The following NFKB2 variants were observed in gnomAD, a reference collection of about 807,000 sequenced individuals.
NFKB2 encodes the protein nuclear factor NF-kappa-B p100 subunit.
In NFKB2, 21 loss-of-function variants were observed where a neutral mutation model predicts 109.3. The ratio of observed to expected loss-of-function variants is 0.19; its 90% CI spans 0.14 to 0.28. NFKB2 has a LOEUF of 0.28. Among genes scored for constraint, NFKB2 ranks in the 10% least tolerant of loss-of-function variants. The probability of loss-of-function intolerance (pLI) is 1.00; values close to 1 mark genes in which losing one functional copy is unlikely to be tolerated. For synonymous variants in NFKB2, 478 were observed against 489.9 expected, an observed-to-expected ratio of 0.98 and a Z score of 0.32; for missense variants, 806 against 1,185.3, an observed-to-expected ratio of 0.68 and a Z score of 4.70.
rs762807587 is a variant in NFKB2 at position 102,399,635 on chromosome 10, C to A, written c.1386C>A (p.Leu462=). 1 of 1,541,756 alleles carries A rather than the reference C, an allele frequency of 6.5e-7. No individual in the cohort carries two copies. The highest frequency in any genetic ancestry group is 8.7e-7 in the Non-Finnish European group (1 of 1,143,206). ...GLAQRSARAL[L]DYGVTADARA... is the part of the protein sequence containing the mutation. ...CGCAGCGCAGCGCCCGAGCCCTACT[C>A]GACTACGGCGTCACCGCGGACGCGC... The change falls in exon 14 of 23, where the codon CTC becomes CTA. Residue 462 remains leucine (L), a synonymous_variant. Transcript: ENST00000661543.
In NFKB2 at chr10:102,401,691, G is replaced by A; in HGVS notation, c.2294-54G>A. On this transcript the variant is annotated intron_variant, in intron 20 of 22. Coordinates refer to ENST00000661543, the MANE Select transcript of NFKB2 (RefSeq NM_001322934.2). This position sits in a 1 kb window ranked among gnomAD's most constrained non-coding sequence, Gnocchi z 4.2. ...AGAAAGGCAGTGTTCAGGTGTCCAT[G>A]TCCCCACCCAACTCTGGAGGTAAAT... 8.3e-6 allele frequency: 13 copies of A among 1,558,810 alleles called. No homozygotes were observed. Among genetic ancestry groups the A allele is most frequent in the Non-Finnish European group, 1.1e-5 (13 of 1,149,600 alleles).
At position 102,400,809 on chromosome 10, in the gene NFKB2, C is replaced by A; in HGVS notation, c.1953C>A (p.Thr651=). The A allele has an allele frequency of 2.5e-6, 4 of 1,597,038 alleles. No homozygotes were observed. Among genetic ancestry groups the A allele is most frequent in the Non-Finnish European group, 2.6e-6 (3 of 1,170,622 alleles). Residue 651 remains threonine (T), a synonymous_variant, in exon 17 of 23, where the codon ACC becomes ACA. Transcript: ENST00000661543. The surrounding 1 kb of genome is among the most constrained non-coding windows in gnomAD (Gnocchi z 6.3). ...AGATGGAGGAGCTGGGGTTGGTCAC[C>A]CATCTGGTCACCAAGGTGGGACTGA... ...ATEMEELGLV[T]HLVTKLRANV... is the part of the protein sequence containing the mutation.
rs1318385347 is a variant in NFKB2 at position 102,395,870 on chromosome 10, C to T, written c.-72-18C>T. On this transcript the variant is annotated intron_variant, in intron 1 of 22. Coordinates refer to ENST00000661543, the MANE Select transcript of NFKB2 (RefSeq NM_001322934.2). ...TTAGATCTGACCCCCTCCCCCACGC[C>T]ACTCCTCCCAACTTTAGGCGGGCGT... 2.2e-6 allele frequency: 3 copies of T among 1,389,794 alleles called. No homozygotes were observed. The highest frequency in any genetic ancestry group is 2.3e-5 in the East Asian group (1 of 43,524). 86.1% of individuals were successfully genotyped at this position (1,389,794 alleles called of 1,614,324 possible).
upstream of NFKB2, among the ~76,000 whole-genome samples, chr10:102,395,012 G>T (rs2061075750): frequency 6.8e-6 from 1 of 147,820 alleles, no homozygotes; most frequent in Admixed American, 7.0e-5. Context: ...GCACACTCAT[G>T]TTGACGCCAT....
Position 102,398,695 on chromosome 10 carries a change from A to G in NFKB2, c.992-44A>G, listed in dbSNP as rs1229511307. ...CTCTTCTGGGAAGGGCCCCTGAGGC[A>G]TGACACAATAACTGGGCTCAATCTC... On this transcript the variant is annotated intron_variant, in intron 11 of 22. Coordinates refer to ENST00000661543, the MANE Select transcript of NFKB2 (RefSeq NM_001322934.2). The surrounding 1 kb of genome is among the most constrained non-coding windows in gnomAD (Gnocchi z 6.6). The G allele has an allele frequency of 6.2e-7, 1 of 1,612,082 alleles. No homozygotes were observed. Among genetic ancestry groups the G allele is most frequent in the East Asian group, 2.2e-5 (1 of 44,886 alleles).
At position 102,400,425 on chromosome 10, in the gene NFKB2, C is replaced by A; in HGVS notation, c.1732C>A (p.Leu578Met). 6.2e-7 allele frequency: 1 copy of A among 1,612,836 alleles called. No homozygotes were observed. Among genetic ancestry groups the A allele is most frequent in the East Asian group, 2.2e-5 (1 of 44,884 alleles). The change falls in exon 16 of 23, where the codon CTG (leucine) becomes ATG (methionine). Residue 578 changes from leucine (L) to methionine (M), a missense_variant. By Grantham distance (15) the Leu-to-Met change is conservative. Around this residue, in one of 10 missense-constraint regions of NFKB2, gnomAD observed 163 missense variants for 207.1 expected, o/e 0.79. Transcript: ENST00000661543. This position sits in a 1 kb window ranked among gnomAD's most constrained non-coding sequence, Gnocchi z 6.3. ...LRAGAGAPEL[L>M]RALLQSGAPA... ...GGCAGGCGCTGGTGCTCCTGAGCTG[C>A]TGCGTGCACTGCTTCAGAGTGGAGC...
At position 102,401,568 on chromosome 10, in the gene NFKB2, G is replaced by T; in HGVS notation, c.2293+50G>T. On this transcript the variant is annotated intron_variant, in intron 20 of 22. Transcript: ENST00000661543. This position sits in a 1 kb window ranked among gnomAD's most constrained non-coding sequence, Gnocchi z 4.2. The stretch of plus-strand genomic sequence containing the variant: ...CCCGACTCCTCTGACTCCTCACAGA[G>T]GTCTCTTCTCCTTCAGGACCTCTGA... 6.3e-7 allele frequency: 1 copy of T among 1,597,984 alleles called. No individual in the cohort carries two copies. Among genetic ancestry groups the T allele is most frequent in the South Asian group, 1.1e-5 (1 of 90,650 alleles).
Position 102,398,800 on chromosome 10 carries a change from G to T in NFKB2, c.1053G>T (p.Gly351=). ...TGCCCACCTTCTCCCAGCCCTTCGG[G>T]GGTGGCTCCCACATGGGTGGAGGCT... is the stretch of plus-strand genomic sequence containing the variant. ...KALPTFSQPF[G]GGSHMGGGSG... The change falls in exon 12 of 23, where the codon GGG becomes GGT. Residue 351 remains glycine, a synonymous_variant. Coordinates refer to ENST00000661543, the MANE Select transcript of NFKB2 (RefSeq NM_001322934.2). This position sits in a 1 kb window ranked among gnomAD's most constrained non-coding sequence, Gnocchi z 6.6. 1 of 1,611,696 alleles carries T rather than the reference G, an allele frequency of 6.2e-7. No individual in the cohort carries two copies. The highest frequency in any genetic ancestry group is 8.5e-7 in the Non-Finnish European group (1 of 1,179,112).
chr10:102,401,906 C>T lies in NFKB2; in HGVS notation c.2455C>T (p.Arg819Cys), dbSNP rs374041971. The change falls in exon 21 of 23, where the codon CGC becomes TGC. Residue 819 changes from arginine to cysteine, a missense_variant. Arg to Cys is a radical substitution (Grantham distance 180, BLOSUM62 -3). This residue lies in a region of NFKB2 where 211 missense variants were observed against 268.7 expected (regional missense o/e 0.79). Transcript: ENST00000661543. This position sits in a 1 kb window ranked among gnomAD's most constrained non-coding sequence, Gnocchi z 4.2. ...AACCTCACCCAGTGGCAGCCTCCTGCGCAGCTACGAGGTGGGTTGGCCTGT... is the reference window on the plus strand; with the variant it reads ...AACCTCACCCAGTGGCAGCCTCCTGTGCAGCTACGAGGTGGGTTGGCCTGT... ...QTTSPSGSLL[R>C]SYELAGGDLA... The T allele has an allele frequency of 6.2e-6, 10 of 1,611,638 alleles. No individual in the cohort carries two copies. The highest frequency in any genetic ancestry group is 1.6e-4 in the Middle Eastern group (1 of 6,074).
In NFKB2 at chr10:102,398,982, G is replaced by A; in HGVS notation, c.1117+118G>A. Reference sequence around the variant, plus strand: ...TAATCCAGCCCTTTGGGAGGCCAAGGCAGGCAGATTACCTGAGATCAGGAG... The same window carrying A: ...TAATCCAGCCCTTTGGGAGGCCAAGACAGGCAGATTACCTGAGATCAGGAG... On this transcript the variant is annotated intron_variant, in intron 12 of 22. Coordinates refer to ENST00000661543, the MANE Select transcript of NFKB2 (RefSeq NM_001322934.2). The surrounding 1 kb of genome is among the most constrained non-coding windows in gnomAD (Gnocchi z 6.6). The A allele has an allele frequency of 8.7e-7, 1 of 1,153,012 alleles. No homozygotes were observed. Among genetic ancestry groups the A allele is most frequent in the Non-Finnish European group, 1.2e-6 (1 of 824,328 alleles). 71.4% of individuals were successfully genotyped at this position (1,153,012 alleles called of 1,614,324 possible). A position where few individuals can be genotyped will look rare whatever the true frequency, so the allele number is the denominator to read the frequency against.
In NFKB2 at chr10:102,398,953, C is replaced by T. The variant is rs1204529892; in HGVS notation, c.1117+89C>T. ...GGGAGGCCGGGCGTGGTGGCTCACG[C>T]CTGTAATCCAGCCCTTTGGGAGGCC... On this transcript the variant is annotated intron_variant, in intron 12 of 22. Coordinates refer to ENST00000661543, the MANE Select transcript of NFKB2 (RefSeq NM_001322934.2). This position sits in a 1 kb window ranked among gnomAD's most constrained non-coding sequence, Gnocchi z 6.6. The T allele has an allele frequency of 7.1e-7, 1 of 1,413,452 alleles. No individual in the cohort carries two copies. Among genetic ancestry groups the T allele is most frequent in the Non-Finnish European group, 9.6e-7 (1 of 1,040,604 alleles). 87.6% of individuals were successfully genotyped at this position (1,413,452 alleles called of 1,614,324 possible).
rs748908494 is a variant in NFKB2, at chr10:102,398,727, C to G, written c.992-12C>G. On this transcript the variant is annotated splice_polypyrimidine_tract_variant and intron_variant, in intron 11 of 22. Coordinates refer to ENST00000661543, the MANE Select transcript of NFKB2 (RefSeq NM_001322934.2). The surrounding 1 kb of genome is among the most constrained non-coding windows in gnomAD (Gnocchi z 6.6). ...AATAACTGGGCTCAATCTCATTTTC[C>G]TCTGCCCCCAGACAAGGAAGAGGTG... The G allele has an allele frequency of 2.5e-6, 4 of 1,612,138 alleles. No individual in the cohort carries two copies. In the African/African-American group the frequency reaches 4.0e-5, roughly 16 times the overall value.
chr10:102,399,162 C>G, intron 12 of NFKB2, 126 bp from the exon 13 acceptor site: 1 of 975,852 alleles, frequency 1.0e-6, no homozygotes. Flanking sequence ...TTGCAGTAAG[C>G]TGAGATCACA....
Position 102,398,443 on chromosome 10 carries a change from C to G in NFKB2, c.911C>G (p.Thr304Arg). The change falls in exon 11 of 23, where the codon ACA becomes AGA. Residue 304 changes from threonine to arginine, a missense_variant. Physicochemically the swap from Thr to Arg is moderately conservative, Grantham distance 71. This residue lies in a region of NFKB2 where 64 missense variants were observed against 177.4 expected (regional missense o/e 0.36). Transcript: ENST00000661543. This position sits in a 1 kb window ranked among gnomAD's most constrained non-coding sequence, Gnocchi z 6.6. ...YHKMKIERPV[T>R]VFLQLKRKRG... ...AAGATGAAGATTGAGCGGCCTGTAA[C>G]AGTGTTTCTGCAACTGAAACGCAAG... 6.2e-7 allele frequency: 1 copy of G among 1,614,176 alleles called. No homozygotes were observed. The highest frequency in any genetic ancestry group is 8.5e-7 in the Non-Finnish European group (1 of 1,180,032).
At position 102,401,263 on chromosome 10, in the gene NFKB2, G is replaced by A. The variant is rs1395629667; in HGVS notation, c.2155G>A (p.Gly719Arg). The A allele has an allele frequency of 1.2e-6, 2 of 1,611,920 alleles. No homozygotes were observed. Among genetic ancestry groups the A allele is most frequent in the African/African-American group, 2.7e-5 (2 of 74,886 alleles). The stretch of plus-strand genomic sequence containing the variant: ...CTCTGATAGCGACTCGGACTCTGAA[G>A]GGCCTGAGAAGGACACCCGAAGCAG... Reference protein sequence around the residue: ...PTSDSDSDSEGPEKDTRSSFR... With the variant: ...PTSDSDSDSERPEKDTRSSFR... Residue 719 changes from glycine (G) to arginine (R), a missense_variant, in exon 19 of 23, where the codon GGG (glycine) becomes AGG (arginine). By Grantham distance (125) the Gly-to-Arg change is moderately radical. This residue lies in a region of NFKB2 where 211 missense variants were observed against 268.7 expected (regional missense o/e 0.79). Coordinates refer to ENST00000661543, the MANE Select transcript of NFKB2 (RefSeq NM_001322934.2). The surrounding 1 kb of genome is among the most constrained non-coding windows in gnomAD (Gnocchi z 4.2).
At position 102,401,588 on chromosome 10, in the gene NFKB2, C is replaced by A. The variant is rs1461783026; in HGVS notation, c.2293+70C>A. The A allele has an allele frequency of 1.3e-6, 2 of 1,544,636 alleles. No homozygotes were observed. Among genetic ancestry groups the A allele is most frequent in the Admixed American group, 3.4e-5 (2 of 58,478 alleles). Reference sequence around the variant, plus strand: ...ACAGAGGTCTCTTCTCCTTCAGGACCTCTGAAGGAGGCCTCCCTTTCTCTA... The same window carrying A: ...ACAGAGGTCTCTTCTCCTTCAGGACATCTGAAGGAGGCCTCCCTTTCTCTA... On this transcript the variant is annotated intron_variant, in intron 20 of 22. Transcript: ENST00000661543. The surrounding 1 kb of genome is among the most constrained non-coding windows in gnomAD (Gnocchi z 4.2).
intron 12 of NFKB2, 136 bp from the exon 13 acceptor site, chr10:102,399,152 T>G (rs2061170032): frequency 2.2e-6 from 2 of 898,580 alleles, no homozygotes; most frequent in African/African-American, 1.7e-5. Flanking sequence ...AGACAAGAGG[T>G]TGCAGTAAGC....
chr10:102,399,350 C>G lies in NFKB2; in HGVS notation c.1180C>G (p.Pro394Ala). Reference protein sequence around the residue: ...AYSPYQSGAGPMGCYPGGGGG... With the variant: ...AYSPYQSGAGAMGCYPGGGGG... The stretch of plus-strand genomic sequence containing the variant: ...CAGCCCCTACCAGTCCGGCGCGGGC[C>G]CCATGGGCTGCTACCCGGGAGGCGG... Residue 394 changes from proline (P) to alanine (A), a missense_variant, in exon 13 of 23, where the codon CCC becomes GCC. Physicochemically the swap from Pro to Ala is conservative, Grantham distance 27. Coordinates refer to ENST00000661543, the MANE Select transcript of NFKB2 (RefSeq NM_001322934.2). 2 of 1,568,838 alleles carry G rather than the reference C, an allele frequency of 1.3e-6. No homozygotes were observed. Among genetic ancestry groups the G allele is most frequent in the Non-Finnish European group, 1.7e-6 (2 of 1,159,314 alleles).
At position 102,398,133 on chromosome 10, in the gene NFKB2, T is replaced by G. The variant is rs762271813; in HGVS notation, c.766+48T>G. The G allele has an allele frequency of 1.2e-6, 2 of 1,612,812 alleles. No individual in the cohort carries two copies. The highest frequency in any genetic ancestry group is 1.7e-6 in the Non-Finnish European group (2 of 1,178,876). The stretch of plus-strand genomic sequence containing the variant: ...GCACCAAGGACATCGAGTATAAGAC[T>G]GGGGCCAGGGAAGCTCTAGGGTAAA... On this transcript the variant is annotated intron_variant, in intron 9 of 22. Transcript: ENST00000661543. This position sits in a 1 kb window ranked among gnomAD's most constrained non-coding sequence, Gnocchi z 6.6.
Sources: gnomAD v4.1 joint callset for allele counts (sites outside exome capture counted in the v4.1 genomes callset) on GRCh38, gnomAD v4.1.1 for gene constraint, gnomAD v4.1.1 regional missense constraint, Gnocchi (gnomAD v3.1) non-coding constraint, MANE v1.5 for transcripts, NCBI Gene and HGNC (gene_info 2026-07-23, HGNC 2026-07-21) for gene names.